The following CRYZL1 variants were observed in gnomAD, a reference collection of about 807,000 sequenced individuals.
CRYZL1 encodes ferry endosomal RAB5 effector complex subunit 4.
A neutral mutation model predicts 50.6 loss-of-function variants in CRYZL1; 34 were observed. The observed-to-expected ratio is 0.67, with a 90% CI of 0.51 to 0.89. CRYZL1 has a LOEUF of 0.89. CRYZL1 is among the 40% of genes least tolerant of loss of function. The pLI is 0.00. For synonymous variants in CRYZL1, 125 were observed against 134.3 expected (o/e 0.93, Z 0.48); for missense variants, 354 against 402.3 (o/e 0.88, Z 1.03).
intron 6 of CRYZL1, among the ~76,000 whole-genome samples, chr21:33,611,847 T>C (rs759560747): frequency 1.5e-4 from 23 of 152,222 alleles, no homozygotes; most frequent in Non-Finnish European, 3.1e-4. Context: ...AAATAACATA[T>C]GCTTAATTTT....
At chr21:33,595,232 A>G (rs1023701307) in intron 11 of CRYZL1, 1 of 1,028,672 alleles carries the variant, frequency 9.7e-7, no homozygotes, top group Non-Finnish European at 1.2e-6. Flanking sequence ...AGTCAAACCT[A>G]TCTTCATTTG....
intron 6 of CRYZL1, among the ~76,000 whole-genome samples, chr21:33,606,916 C>G (rs965563331): frequency 7.9e-5 from 12 of 152,010 alleles, no homozygotes; most frequent in African/African-American, 2.7e-4. Context: ...GAGGCTGAGG[C>G]AGGAGAATCA....
At chr21:33,635,950 C>T (rs1270677204) in intron 1 of CRYZL1, among the ~76,000 whole-genome samples, 1 of 152,072 alleles carries the variant, frequency 6.6e-6, no homozygotes, top group Non-Finnish European at 1.5e-5. Context: ...CACTGCACTC[C>T]AGCCTGGCAA....
intron 1 of CRYZL1, among the ~76,000 whole-genome samples, chr21:33,635,246 T>A (rs1174309425): frequency 1.3e-5 from 2 of 152,290 alleles, no homozygotes; most frequent in East Asian, 3.9e-4. Context: ...TTTCATTTTA[T>A]TTTTTGTTTT....
intron 2 of CRYZL1, among the ~76,000 whole-genome samples, chr21:33,627,739 G>GTTTTT (rs35217060): frequency 1.1e-4 from 9 of 84,380 alleles, no homozygotes; most frequent in Admixed American, 1.5e-4. Context: ...ATGAGACATG[G>GTTTTT]TTTTTTTTTT....
chr21:33,608,781 T>C (rs1395782842), intron 6 of CRYZL1, among the ~76,000 whole-genome samples: 6 of 152,206 alleles, frequency 3.9e-5, no homozygotes, highest in Non-Finnish European at 8.8e-5. Context: ...ACACTTAGGT[T>C]GAGTCCACAA....
chr21:33,589,402 G>A lies in CRYZL1; in HGVS notation c.*420C>T, dbSNP rs1357486734. ...AAATATACTCAAATGCTTAAATTAT[G>A]ACAGCAAAGACTTAAGGAAGGTGTT... On this transcript the variant is annotated 3_prime_UTR_variant, in exon 13 of 13. Transcript: ENST00000381554. 1 of 221,744 alleles carries A rather than the reference G, an allele frequency of 4.5e-6. No homozygotes were observed. Among genetic ancestry groups the A allele is most frequent in the Non-Finnish European group, 8.7e-6 (1 of 114,900 alleles). 13.7% of individuals were successfully genotyped at this position (221,744 alleles called of 1,614,324 possible).
chr21:33,598,605 G>T (rs551675033), intron 9 of CRYZL1, among the ~76,000 whole-genome samples: 36 of 152,296 alleles, frequency 2.4e-4, no homozygotes, highest in African/African-American at 8.4e-4. Flanking sequence ...CAGCAGATGG[G>T]ACTGAAAAGG....
chr21:33,636,711 A>T (rs918385204), intron 1 of CRYZL1, among the ~76,000 whole-genome samples: 4 of 152,246 alleles, frequency 2.6e-5, no homozygotes, highest in Admixed American at 1.3e-4. Flanking sequence ...ATTTCTAAAA[A>T]ATCAATGGGA....
intron 11 of CRYZL1, chr21:33,595,227 A>T (rs973201139): frequency 9.7e-7 from 1 of 1,034,408 alleles, no homozygotes; most frequent in African/African-American, 1.7e-5. Flanking sequence ...CAAAAAGTCA[A>T]ACCTATCTTC....
At chr21:33,593,783 G>C (rs1449978472) in intron 11 of CRYZL1, among the ~76,000 whole-genome samples, 3 of 151,874 alleles carry the variant, frequency 2.0e-5, no homozygotes, top group Non-Finnish European at 4.4e-5. Context: ...AGGCGTTTGA[G>C]ACCAGCTTGA....
chr21:33,607,410 G>T (rs1046041369), intron 6 of CRYZL1, among the ~76,000 whole-genome samples: 5 of 151,886 alleles, frequency 3.3e-5, no homozygotes, highest in African/African-American at 1.2e-4. Context: ...AGGCCAAGGC[G>T]GGAAGATCAC....
intron 4 of CRYZL1, among the ~76,000 whole-genome samples, chr21:33,618,325 A>G (rs1421422744): frequency 2.6e-5 from 4 of 150,946 alleles, no homozygotes; most frequent in East Asian, 1.9e-4. Context: ...ATATAGTTAC[A>G]TTTTCTCTGC....
At chr21:33,614,763 A>G (rs1172564574) in intron 5 of CRYZL1, among the ~76,000 whole-genome samples, 1 of 152,020 alleles carries the variant, frequency 6.6e-6, no homozygotes, top group Admixed American at 6.6e-5. Context: ...GTAGAGACAC[A>G]GTTTCACCAC....
In CRYZL1 at chr21:33,596,036, T is replaced by A. The variant is rs1192804119; in HGVS notation, c.799-200A>T. ...ATGAAACAGCGAGGTGATAAGTACA[T>A]GGCAGATGCAAGGCCAATCTAGAAT... On this transcript the variant is annotated intron_variant, in intron 10 of 12. Coordinates refer to ENST00000381554, the MANE Select transcript of CRYZL1 (RefSeq NM_145858.3). 2.1e-5 allele frequency: 13 copies of A among 613,850 alleles called. No individual in the cohort carries two copies. In the East Asian group the frequency reaches 3.8e-4, roughly 18 times the overall value. The allele number at this position is 613,850 out of a possible 1,614,324, so 38.0% of individuals were successfully genotyped here. A position where few individuals can be genotyped will look rare whatever the true frequency, so the allele number is the denominator to read the frequency against.
At chr21:33,625,148 A>G (rs1387100011) in intron 2 of CRYZL1, among the ~76,000 whole-genome samples, 3 of 151,466 alleles carry the variant, frequency 2.0e-5, no homozygotes, top group African/African-American at 2.4e-5. Flanking sequence ...ATAACGTATA[A>G]CCTTTACTGA....
chr21:33,595,244 T>G, intron 11 of CRYZL1: 1 of 1,003,032 alleles, frequency 1.0e-6, no homozygotes, highest in East Asian at 6.4e-5. Context: ...CTTCATTTGA[T>G]AAAGATTTCC....
At chr21:33,604,281 G>C (rs1050915304) in intron 6 of CRYZL1, among the ~76,000 whole-genome samples, 1 of 150,608 alleles carries the variant, frequency 6.6e-6, no homozygotes, top group Non-Finnish European at 1.5e-5. Context: ...GTGTGAACCC[G>C]GGAGGCAGAG....
intron 9 of CRYZL1, 151 bp from the exon 10 acceptor site, chr21:33,597,552 C>T: frequency 1.6e-6 from 1 of 610,924 alleles, no homozygotes; most frequent in Non-Finnish European, 2.8e-6. Context: ...AGCAATCCTC[C>T]AGCCTCAGCC....
Sources: gnomAD v4.1 joint callset for allele counts (sites outside exome capture counted in the v4.1 genomes callset) on GRCh38, gnomAD v4.1.1 for gene constraint, MANE v1.5 for transcripts, NCBI Gene and HGNC (gene_info 2026-07-23, HGNC 2026-07-21) for gene names.